The following NTM variants were observed in gnomAD, a reference collection of about 807,000 sequenced individuals.
NTM encodes neurotrimin.
A neutral mutation model predicts 42.1 loss-of-function variants in NTM; 13 were observed. That is an observed-to-expected ratio of 0.31 (90% CI 0.20 to 0.49). The LOEUF (loss-of-function observed/expected upper bound fraction) is 0.49. NTM is among the 20% of genes least tolerant of loss of function. The pLI is 0.99. For synonymous variants in NTM, 187 were observed against 179.2 expected, an observed-to-expected ratio of 1.04 and a Z score of -0.35; for missense variants, 373 against 452.8, an observed-to-expected ratio of 0.82 and a Z score of 1.60.
At chr11:131,436,230 A>T (rs1949119300) in intron 1 of NTM, among the ~76,000 whole-genome samples, 2 of 152,064 alleles carry the variant, frequency 1.3e-5, no homozygotes, top group African/African-American at 2.4e-5. Flanking sequence ...TTCATCAGGG[A>T]TATTGGTCTA....
At chr11:132,164,232 T>G (rs910667971) in intron 3 of NTM, among the ~76,000 whole-genome samples, 16 of 152,228 alleles carry the variant, frequency 1.1e-4, no homozygotes, top group African/African-American at 3.6e-4. Context: ...TGTTTGTTGT[T>G]GTTGTTGTTG....
At chr11:131,692,831 G>C (rs2074956876) in intron 1 of NTM, among the ~76,000 whole-genome samples, 1 of 152,172 alleles carries the variant, frequency 6.6e-6, no homozygotes, top group South Asian at 2.1e-4. Context: ...TTAAAAAGGA[G>C]ACTCGATTGC....
intron 2 of NTM, among the ~76,000 whole-genome samples, chr11:132,144,987 G>A (rs939008765): frequency 2.6e-5 from 4 of 152,216 alleles, no homozygotes; most frequent in Admixed American, 6.5e-5. Context: ...GGGACAGGGG[G>A]TCTCCTGAAG....
intron 4 of NTM, among the ~76,000 whole-genome samples, chr11:132,233,061 G>A (rs544949974): frequency 1.2e-3 from 178 of 152,316 alleles, no homozygotes; most frequent in South Asian, 2.9e-3. Flanking sequence ...ACACAGCTGG[G>A]CAGTGCAGGA....
chr11:131,565,227 G>A (rs1367452975), intron 1 of NTM, among the ~76,000 whole-genome samples: 2 of 152,154 alleles, frequency 1.3e-5, no homozygotes, highest in African/African-American at 2.4e-5. Context: ...CTGCCTCTCT[G>A]TCCACCTCCA....
intron 1 of NTM, among the ~76,000 whole-genome samples, chr11:131,585,678 G>A (rs1392458666): frequency 1.3e-5 from 2 of 152,126 alleles, no homozygotes; most frequent in Non-Finnish European, 2.9e-5. Context: ...CTCATTTCAT[G>A]CCTCTATGTA....
At chr11:131,800,483 CA>C (rs2092006512) in intron 1 of NTM, among the ~76,000 whole-genome samples, 3 of 152,222 alleles carry the variant, frequency 2.0e-5, no homozygotes, top group African/African-American at 7.2e-5. Flanking sequence ...CTTCTCCCTG[CA>C]AAAGATTCAT....
Position 132,199,995 on chromosome 11 carries a change from C to T in NTM, c.401-12027C>T, listed in dbSNP as rs529050368. ...CTTTCCCCAACTGCACTGCCTCACT[C>T]GCTCCAGCACTGTGACATTTCACAG... On this transcript the variant is annotated intron_variant, in intron 3 of 8. Transcript: ENST00000683400. Among the ~76,000 whole-genome samples, 12 of 152,214 alleles carry T rather than the reference C, an allele frequency of 7.9e-5. No homozygotes were observed. In the South Asian group the frequency reaches 1.7e-3, roughly 21 times the overall value.
chr11:131,820,528 T>C (rs1210977589), intron 1 of NTM, among the ~76,000 whole-genome samples: 1 of 152,228 alleles, frequency 6.6e-6, no homozygotes, highest in Non-Finnish European at 1.5e-5. Context: ...TTAGTGTATC[T>C]ACTACCTAGA....
intron 1 of NTM, among the ~76,000 whole-genome samples, chr11:131,824,363 G>A (rs1295058869): frequency 6.6e-6 from 1 of 152,178 alleles, no homozygotes; most frequent in Non-Finnish European, 1.5e-5. Context: ...AGCTCCAGAC[G>A]TAGAGCTGGC....
chr11:131,775,570 A>C (rs1430295307), intron 1 of NTM, among the ~76,000 whole-genome samples: 1 of 152,188 alleles, frequency 6.6e-6, no homozygotes, highest in Non-Finnish European at 1.5e-5. Flanking sequence ...CTCTGTTGAC[A>C]CCATTTATAG....
chr11:131,887,142 T>G (rs2050537707), intron 1 of NTM, among the ~76,000 whole-genome samples: 1 of 152,226 alleles, frequency 6.6e-6, no homozygotes, highest in Non-Finnish European at 1.5e-5. Flanking sequence ...GTAAGTATTT[T>G]TGTCACACAC....
chr11:131,578,609 G>A (rs1403995455), intron 1 of NTM, among the ~76,000 whole-genome samples: 2 of 152,132 alleles, frequency 1.3e-5, no homozygotes, highest in Non-Finnish European at 1.5e-5. Context: ...TAAGGGCATA[G>A]GCTCTAGACT....
chr11:132,014,335 A>C (rs1167762930), intron 2 of NTM, among the ~76,000 whole-genome samples: 1 of 152,136 alleles, frequency 6.6e-6, no homozygotes, highest in Non-Finnish European at 1.5e-5. Flanking sequence ...GCTATTGTGA[A>C]CAGTGCTGCG....
chr11:131,458,690 A>G (rs10894397), intron 1 of NTM, among the ~76,000 whole-genome samples: 37,325 of 152,168 alleles, frequency 0.25, 4,979 homozygotes, highest in Non-Finnish European at 0.3. Flanking sequence ...TACAGAAAAC[A>G]TTTGCTGAAT....
At chr11:131,840,424 C>T (rs143733151) in intron 1 of NTM, among the ~76,000 whole-genome samples, 345 of 152,232 alleles carry the variant, frequency 2.3e-3, no homozygotes, top group Middle Eastern at 0.014. Flanking sequence ...CTGTGTCACA[C>T]GCTGCCGATG....
At chr11:132,319,174 T>C (rs918605751) in intron 7 of NTM, among the ~76,000 whole-genome samples, 5 of 152,200 alleles carry the variant, frequency 3.3e-5, no homozygotes, top group African/African-American at 1.2e-4. Flanking sequence ...AGCTCCAGTC[T>C]ACAGCTCCCA....
At chr11:132,148,090 A>G (rs2137369633) in intron 3 of NTM, among the ~76,000 whole-genome samples, 1 of 152,286 alleles carries the variant, frequency 6.6e-6, no homozygotes, top group South Asian at 2.1e-4. Flanking sequence ...CCAAGTTTTT[A>G]TTATATTTTG....
intron 3 of NTM, among the ~76,000 whole-genome samples, chr11:132,180,193 C>T (rs1019790132): frequency 5.9e-5 from 9 of 151,946 alleles, no homozygotes; most frequent in Non-Finnish European, 1.0e-4. Flanking sequence ...TAAATTATTA[C>T]ATAATTTGTG....
Sources: allele counts gnomAD v4.1 joint callset (sites outside exome capture counted in the v4.1 genomes callset), GRCh38; gene constraint gnomAD v4.1.1; transcripts MANE v1.5; gene names NCBI Gene and HGNC (gene_info 2026-07-23, HGNC 2026-07-21).